Variants in DNAJC12 observed in about 807,000 individuals in gnomAD.
DNAJC12 encodes dnaJ homolog subfamily C member 12.
A neutral mutation model predicts 28.5 loss-of-function variants in DNAJC12; 25 were observed. The ratio of observed to expected loss-of-function variants is 0.88; its 90% CI spans 0.64 to 1.22. The LOEUF (loss-of-function observed/expected upper bound fraction) is 1.22. DNAJC12 is among the 50% of genes most tolerant of loss of function. DNAJC12 has a pLI of 0.00. For missense variants in DNAJC12, 222 were observed against 231.7 expected (o/e 0.96, Z 0.27); for synonymous variants, 77 against 80.6 (o/e 0.95, Z 0.24).
chr10:67,822,307 A>G (rs1159765411), intron 2 of DNAJC12, among the ~76,000 whole-genome samples: 1 of 152,176 alleles, frequency 6.6e-6, no homozygotes, highest in South Asian at 2.1e-4. Context: ...TGTTTCAAGG[A>G]GGAAGGTATG....
chr10:67,833,711 G>A, intron 1 of DNAJC12: 1 of 394,242 alleles, frequency 2.5e-6, no homozygotes. Context: ...CATGATCTCT[G>A]GGCTGGGATG....
chr10:67,838,121 G>T lies in DNAJC12; in HGVS notation c.-110C>A, dbSNP rs1473034133. On this transcript the variant is annotated 5_prime_UTR_variant, in exon 1 of 5. The change creates a premature stop within an existing upstream ORF in the 5' untranslated region. Coordinates refer to ENST00000225171, the MANE Select transcript of DNAJC12 (RefSeq NM_021800.3). ...GAATTAGAGCAGCATGTTCCACATA[G>T]CAAAAACTAGCTTTAAGACTGGCCA... 2.2e-5 allele frequency: 15 copies of T among 669,738 alleles called. No individual in the cohort carries two copies. The South Asian group carries it at 2.7e-4, about 12-fold the overall frequency. 41.5% of individuals were successfully genotyped at this position (669,738 alleles called of 1,614,324 possible). A position where few individuals can be genotyped will look rare whatever the true frequency, so the allele number is the denominator to read the frequency against.
intron 1 of DNAJC12, among the ~76,000 whole-genome samples, chr10:67,835,747 C>CATATAT (rs1554886035): frequency 6.8e-6 from 1 of 147,942 alleles, no homozygotes. Context: ...CACACACACA[C>CATATAT]ATATATATAA....
intron 1 of DNAJC12, chr10:67,833,848 T>G (rs549057463): frequency 2.0e-6 from 1 of 494,118 alleles, no homozygotes; most frequent in African/African-American, 2.0e-5. Context: ...ATGGAGCACA[T>G]GGAGCCTCAA....
intron 2 of DNAJC12, among the ~76,000 whole-genome samples, chr10:67,819,970 G>C (rs1189674153): frequency 3.9e-5 from 6 of 152,170 alleles, no homozygotes; most frequent in Non-Finnish European, 1.5e-5. Context: ...ATGCAATAAG[G>C]AGACAGTGTG....
chr10:67,828,676 A>C (rs7072247), intron 1 of DNAJC12, among the ~76,000 whole-genome samples: 63,569 of 114,526 alleles, frequency 0.56, 15,587 homozygotes, highest in African/African-American at 0.71. Flanking sequence ...CTCTCTCTCT[A>C]TATATATATA....
intron 3 of DNAJC12, 89 bp from the exon 4 acceptor site, chr10:67,805,876 C>T: frequency 9.7e-7 from 1 of 1,034,996 alleles, no homozygotes. Context: ...AACACCTGAC[C>T]TACTACTGTA....
chr10:67,805,114 C>A (rs1841785527), intron 4 of DNAJC12, among the ~76,000 whole-genome samples: 1 of 152,142 alleles, frequency 6.6e-6, no homozygotes. Context: ...CTGAAGTCAA[C>A]CTGCCTTGGT....
In DNAJC12 at chr10:67,826,777, TAATATATATC is replaced by T. The variant is rs1842038141; in HGVS notation, c.79-3395_79-3386del. Among the ~76,000 whole-genome samples the T allele has an allele frequency of 2.4e-5, 3 of 124,556 alleles. No individual in the cohort carries two copies. The South Asian group carries it at 6.9e-4, about 29-fold the overall frequency. 81.7% of individuals were successfully genotyped at this position (124,556 alleles called of 152,430 possible). On this transcript the variant is annotated intron_variant, in intron 1 of 4. Coordinates refer to ENST00000225171, the MANE Select transcript of DNAJC12 (RefSeq NM_021800.3). Reference sequence around the variant, plus strand: ...TATATATCTGATATCTAATGATATATAATATATATCATTAGATATCAGATATATAATGATA... The same window carrying T: ...TATATATCTGATATCTAATGATATATATTAGATATCAGATATATAATGATA...
At chr10:67,832,617 CT>C (rs1451144704) in intron 1 of DNAJC12, among the ~76,000 whole-genome samples, 2 of 152,072 alleles carry the variant, frequency 1.3e-5, no homozygotes, top group Non-Finnish European at 2.9e-5. Context: ...AATTTCCTTA[CT>C]GTAGAATACT....
intron 2 of DNAJC12, among the ~76,000 whole-genome samples, chr10:67,821,854 G>T (rs191022994): frequency 3.7e-4 from 56 of 152,280 alleles, no homozygotes; most frequent in African/African-American, 1.3e-3. Flanking sequence ...CCCAGATATG[G>T]ACATGAGGGA....
intron 4 of DNAJC12, among the ~76,000 whole-genome samples, chr10:67,804,875 T>G (rs1301848555): frequency 1.3e-5 from 2 of 151,816 alleles, no homozygotes. Flanking sequence ...CTACTAAAAA[T>G]ACAAAAATTA....
At chr10:67,821,651 T>A (rs1368948601) in intron 2 of DNAJC12, among the ~76,000 whole-genome samples, 1 of 152,258 alleles carries the variant, frequency 6.6e-6, no homozygotes, top group Non-Finnish European at 1.5e-5. Context: ...GAGTATTTTT[T>A]ATTCCTTTTT....
intron 1 of DNAJC12, among the ~76,000 whole-genome samples, chr10:67,833,174 A>C (rs911229515): frequency 6.6e-6 from 1 of 152,216 alleles, no homozygotes; most frequent in Non-Finnish European, 1.5e-5. Flanking sequence ...AACTGATGAA[A>C]TTAGATAAGA....
Position 67,800,409 on chromosome 10 carries a change from T to C in DNAJC12, c.503-3199A>G, listed in dbSNP as rs560509273. ...GAGATAATATAAAACTTCTTAGAGT[T>C]ATCTCACATGAGGGGTGAAGGACCT... On this transcript the variant is annotated intron_variant, in intron 4 of 4. Transcript: ENST00000225171. Among the ~76,000 whole-genome samples the C allele has an allele frequency of 3.3e-5, 5 of 152,232 alleles. No individual in the cohort carries two copies. In the South Asian group the frequency reaches 1.0e-3, roughly 32 times the overall value.
intron 1 of DNAJC12, among the ~76,000 whole-genome samples, chr10:67,826,804 A>ATATATCATTAGATATCAGATATC (rs1564865984): frequency 4.4e-5 from 4 of 90,616 alleles, no homozygotes; most frequent in African/African-American, 7.7e-5. Flanking sequence ...TATCAGATAT[A>ATATATCATTAGATATCAGATATC]TAATGATATA....
chr10:67,812,421 G>C (rs984663468), intron 2 of DNAJC12, among the ~76,000 whole-genome samples: 21 of 152,166 alleles, frequency 1.4e-4, no homozygotes, highest in African/African-American at 3.9e-4. Context: ...TGGGACAAAT[G>C]GTAGCTTGTC....
At chr10:67,802,968 A>G (rs1052877109) in intron 4 of DNAJC12, among the ~76,000 whole-genome samples, 8 of 150,692 alleles carry the variant, frequency 5.3e-5, no homozygotes, top group African/African-American at 1.7e-4. Context: ...CCCGGGCTCA[A>G]GTAACGGGAT....
chr10:67,800,478 G>C (rs940972850), intron 4 of DNAJC12, among the ~76,000 whole-genome samples: 1 of 152,164 alleles, frequency 6.6e-6, no homozygotes, highest in Non-Finnish European at 1.5e-5. Context: ...GTCATCCAAA[G>C]GGCATTTACT....
Sources: allele counts gnomAD v4.1 joint callset (sites outside exome capture counted in the v4.1 genomes callset), GRCh38; gene constraint gnomAD v4.1.1; transcripts MANE v1.5; gene names NCBI Gene and HGNC (gene_info 2026-07-23, HGNC 2026-07-21).